Variants in SARDH observed in about 807,000 individuals in gnomAD.
SARDH encodes the protein sarcosine dehydrogenase, mitochondrial.
A neutral mutation model predicts 109.1 loss-of-function variants in SARDH; 95 were observed. The ratio of observed to expected loss-of-function variants is 0.87; its 90% CI spans 0.74 to 1.03. The LOEUF (loss-of-function observed/expected upper bound fraction) is 1.03. Among genes scored for constraint, SARDH ranks in the 50% least tolerant of loss-of-function variants. The pLI, the probability that SARDH is intolerant of heterozygous loss-of-function variation, is 0.00. For synonymous variants in SARDH, 572 were observed against 534.8 expected, an observed-to-expected ratio of 1.07 and a Z score of -0.96; for missense variants, 1,267 against 1,287.8, an observed-to-expected ratio of 0.98 and a Z score of 0.25.
rs966192226 is a variant in SARDH, at chr9:133,692,167, C to T, written c.1922-1640G>A. On this transcript the variant is annotated intron_variant, in intron 15 of 20. Transcript: ENST00000439388. This position sits in a 1 kb window ranked among gnomAD's most constrained non-coding sequence, Gnocchi z 5.0. Reference sequence around the variant, plus strand: ...CTGACTCAATTCTCCATCGCAGCCCCGGGAGGCGCGTCTTCCTCACTCCAT... The same window carrying T: ...CTGACTCAATTCTCCATCGCAGCCCTGGGAGGCGCGTCTTCCTCACTCCAT... Among the ~76,000 whole-genome samples, 4 of 152,172 alleles carry T rather than the reference C, an allele frequency of 2.6e-5. No homozygotes were observed. The highest frequency in any genetic ancestry group is 6.5e-5 in the Admixed American group (1 of 15,288).
At chr9:133,724,139 C>A (rs190004803) in intron 6 of SARDH, among the ~76,000 whole-genome samples, 147 of 151,778 alleles carry the variant, frequency 9.7e-4, no homozygotes, top group Non-Finnish European at 1.3e-3. Context: ...ACAAACCATA[C>A]CATAAAAAAG....
At position 133,732,424 on chromosome 9, in the gene SARDH, G is replaced by T; in HGVS notation, c.509C>A (p.Ser170Ter). The T allele has an allele frequency of 7.8e-7, 1 of 1,277,550 alleles. No individual in the cohort carries two copies. Among genetic ancestry groups the T allele is most frequent in the Non-Finnish European group, 1.0e-6 (1 of 960,946 alleles). The allele number at this position is 1,277,550 out of a possible 1,614,324, so 79.1% of individuals were successfully genotyped here. A position where few individuals can be genotyped will look rare whatever the true frequency, so the allele number is the denominator to read the frequency against. ...QRLDEYKRLMSLGKAYGVESH... is the reference protein window; with the variant it reads ...QRLDEYKRLM ...TGCCCCCCGCAGGGGAGCACACACCGACATGAGCCTCTTGTACTCGTCCAG... is the reference window on the plus strand; with the variant it reads ...TGCCCCCCGCAGGGGAGCACACACCTACATGAGCCTCTTGTACTCGTCCAG... Residue 170 changes from serine to a stop codon, truncating the protein, a stop_gained and splice_region_variant, in exon 3 of 21, where the codon TCG (serine) becomes TAG (stop). Transcript: ENST00000439388. LOFTEE classifies it high-confidence loss of function.
chr9:133,699,526 A>G (rs759897227), intron 13 of SARDH, among the ~76,000 whole-genome samples: 1 of 152,108 alleles, frequency 6.6e-6, no homozygotes, highest in Non-Finnish European at 1.5e-5. Context: ...TAATAATAAT[A>G]ATAAGACAAA....
At chr9:133,685,372 G>A (rs1259660234) in intron 16 of SARDH, 86 bp from the exon 17 acceptor site, 1 of 1,001,304 alleles carries the variant, frequency 1.0e-6, no homozygotes, top group African/African-American at 1.6e-5. Flanking sequence ...TGCCATGAGT[G>A]GGATAAGTCC....
intron 6 of SARDH, among the ~76,000 whole-genome samples, chr9:133,727,813 C>A (rs1302526055): frequency 6.6e-6 from 1 of 152,172 alleles, no homozygotes; most frequent in African/African-American, 2.4e-5. Context: ...GAGGGGGCAG[C>A]TGCAGGGACC....
intron 17 of SARDH, among the ~76,000 whole-genome samples, chr9:133,683,079 T>A (rs1435390343): frequency 1.3e-5 from 2 of 152,200 alleles, no homozygotes; most frequent in Non-Finnish European, 2.9e-5. Context: ...GGGGATGTCA[T>A]CCCGGAAGCA....
At chr9:133,660,661 G>A (rs891688076), downstream of SARDH, among the ~76,000 whole-genome samples, 5 of 152,104 alleles carry the variant, frequency 3.3e-5, no homozygotes, top group East Asian at 1.9e-4. Flanking sequence ...TCTGCCCACC[G>A]AGGAGAGGGT....
downstream of SARDH, among the ~76,000 whole-genome samples, chr9:133,661,899 GT>G (rs2131302862): frequency 6.6e-6 from 1 of 152,314 alleles, no homozygotes; most frequent in Non-Finnish European, 1.5e-5. Flanking sequence ...ACGAAACGGT[GT>G]TTTTAAAGTT....
intron 2 of SARDH, 98 bp downstream of exon 2, chr9:133,733,745 T>C: frequency 8.3e-7 from 1 of 1,203,636 alleles, no homozygotes; most frequent in Non-Finnish European, 1.1e-6. Context: ...TTCCCCAGGC[T>C]GGTTGTTGTG....
chr9:133,660,703 G>A (rs1832401591), downstream of SARDH, among the ~76,000 whole-genome samples: 1 of 152,156 alleles, frequency 6.6e-6, no homozygotes, highest in Non-Finnish European at 1.5e-5. Flanking sequence ...GGGACTGCTA[G>A]GGTGGCACAA....
intron 19 of SARDH, among the ~76,000 whole-genome samples, chr9:133,669,503 G>C (rs1219557428): frequency 1.3e-5 from 2 of 151,540 alleles, no homozygotes; most frequent in South Asian, 2.1e-4. Flanking sequence ...CCACGGGAGG[G>C]CCTCTGATCA....
chr9:133,673,237 C>T (rs1277890397), intron 17 of SARDH, among the ~76,000 whole-genome samples: 1 of 152,264 alleles, frequency 6.6e-6, no homozygotes, highest in African/African-American at 2.4e-5. Context: ...ACACTTGGTT[C>T]AGGTGCGTGG....
chr9:133,690,055 G>A (rs1018361263), intron 16 of SARDH, among the ~76,000 whole-genome samples: 7 of 152,186 alleles, frequency 4.6e-5, no homozygotes, highest in African/African-American at 1.7e-4. Context: ...GTAGCAGGGC[G>A]AAATCTGGCC....
At chr9:133,681,294 G>A (rs1830686979) in intron 17 of SARDH, among the ~76,000 whole-genome samples, 1 of 152,224 alleles carries the variant, frequency 6.6e-6, no homozygotes, top group South Asian at 2.1e-4. Flanking sequence ...TCCCAGGGCA[G>A]AGCCCCCCAA....
intron 18 of SARDH, 83 bp downstream of exon 18, chr9:133,671,452 C>G: frequency 6.9e-7 from 1 of 1,443,194 alleles, no homozygotes; most frequent in African/African-American, 1.4e-5. Flanking sequence ...AGGTAAACAG[C>G]TTCTCGGCCT....
chr9:133,661,200 C>T (rs1017434974), downstream of SARDH, among the ~76,000 whole-genome samples: 1 of 151,904 alleles, frequency 6.6e-6, no homozygotes, highest in Non-Finnish European at 1.5e-5. Context: ...ATTAGCCAGG[C>T]TGTGGTGGTG....
chr9:133,663,768 G>A lies in SARDH; in HGVS notation c.*121C>T. The A allele has an allele frequency of 7.2e-7, 1 of 1,398,530 alleles. No homozygotes were observed. Among genetic ancestry groups the A allele is most frequent in the Non-Finnish European group, 9.8e-7 (1 of 1,015,350 alleles). 86.6% of individuals were successfully genotyped at this position (1,398,530 alleles called of 1,614,324 possible). ...GGTTTGGGGGTTTTCGCAGGACTAG[G>A]CCTAGGCTAAGGACAGGGAGGGCAC... On this transcript the variant is annotated 3_prime_UTR_variant, in exon 21 of 21. Coordinates refer to ENST00000439388, the MANE Select transcript of SARDH (RefSeq NM_001134707.2).
intron 6 of SARDH, chr9:133,725,675 C>CA (rs1021314030): frequency 3.4e-4 from 76 of 225,082 alleles, no homozygotes; most frequent in Non-Finnish European, 5.2e-4. Flanking sequence ...AACTCTGTCT[C>CA]AAAAAAAACA....
intron 8 of SARDH, among the ~76,000 whole-genome samples, chr9:133,715,824 C>T (rs1475724655): frequency 2.6e-5 from 4 of 152,212 alleles, no homozygotes; most frequent in African/African-American, 7.2e-5. Context: ...GTCAGTGCTC[C>T]GTCACCATCT....
Sources: gnomAD v4.1 joint callset for allele counts (sites outside exome capture counted in the v4.1 genomes callset) on GRCh38, gnomAD v4.1.1 for gene constraint, Gnocchi (gnomAD v3.1) non-coding constraint, MANE v1.5 for transcripts, NCBI Gene and HGNC (gene_info 2026-07-23, HGNC 2026-07-21) for gene names.